Variants in PRKCSH observed in about 807,000 individuals in gnomAD.
The protein encoded by PRKCSH is glucosidase 2 subunit beta.
A neutral mutation model predicts 79.7 loss-of-function variants in PRKCSH; 42 were observed. The observed-to-expected ratio is 0.53, with a 90% CI of 0.41 to 0.68. The LOEUF is 0.68. PRKCSH is among the 30% of genes least tolerant of loss of function. The pLI is 0.00. For missense variants in PRKCSH, 686 were observed against 709.0 expected, an observed-to-expected ratio of 0.97 and a Z score of 0.37; for synonymous variants, 325 against 288.2, an observed-to-expected ratio of 1.13 and a Z score of -1.29.
intron 4 of PRKCSH, 36 bp downstream of exon 4, chr19:11,438,007 TAGAG>T (rs1039780200): frequency 1.7e-5 from 28 of 1,613,548 alleles, no homozygotes; most frequent in African/African-American, 2.7e-5. Context: ...GGAAAGGTGG[TAGAG>T]GGAGGGAGGG....
At position 11,447,246 on chromosome 19, in the gene PRKCSH, C is replaced by A; in HGVS notation, c.849+86C>A. On this transcript the variant is annotated intron_variant, in intron 10 of 17. Coordinates refer to ENST00000677123, the MANE Select transcript of PRKCSH (RefSeq NM_001289104.2). This position sits in a 1 kb window ranked among gnomAD's most constrained non-coding sequence, Gnocchi z 5.6. ...ACAAAGGAGCTGCCTCTGGTTCTGG[C>A]ACCTGGCCACCCTGGCCAGCTGGGT... 1 of 1,498,802 alleles carries A rather than the reference C, an allele frequency of 6.7e-7. No individual in the cohort carries two copies. The highest frequency in any genetic ancestry group is 9.2e-7 in the Non-Finnish European group (1 of 1,090,138). 92.8% of individuals were successfully genotyped at this position (1,498,802 alleles called of 1,614,324 possible).
At position 11,448,420 on chromosome 19, in the gene PRKCSH, G is replaced by C. The variant is rs1970427115; in HGVS notation, c.1197-120G>C. On this transcript the variant is annotated intron_variant, in intron 13 of 17. Coordinates refer to ENST00000677123, the MANE Select transcript of PRKCSH (RefSeq NM_001289104.2). The surrounding 1 kb of genome is among the most constrained non-coding windows in gnomAD (Gnocchi z 4.4). ...CTGGTCCCTGCAGGGAGGGTCCCTG[G>C]GAGGTGGCAGGGAGGACAGCCTGGG... 1.4e-6 allele frequency: 2 copies of C among 1,441,206 alleles called. No individual in the cohort carries two copies. Among genetic ancestry groups the C allele is most frequent in the Admixed American group, 1.9e-5 (1 of 54,002 alleles). The allele number at this position is 1,441,206 out of a possible 1,614,324, so 89.3% of individuals were successfully genotyped here.
intron 3 of PRKCSH, 160 bp downstream of exon 3, chr19:11,436,665 A>AG (rs1297445322): frequency 1.6e-5 from 11 of 680,244 alleles, no homozygotes; most frequent in Non-Finnish European, 2.6e-5. Context: ...GGGCAGCTGG[A>AG]GGAGCCCAGA....
At position 11,446,353 on chromosome 19, in the gene PRKCSH, A is replaced by G; in HGVS notation, c.762+3A>G. ...CGTTGTCAGAAGCGGAAGCTCAGGT[A>G]CCCCCGGCTGCCCCTTGGTTGGGGA... On this transcript the variant is annotated splice_donor_region_variant and intron_variant, in intron 9 of 17. Coordinates refer to ENST00000677123, the MANE Select transcript of PRKCSH (RefSeq NM_001289104.2). 6.2e-7 allele frequency: 1 copy of G among 1,611,992 alleles called. No homozygotes were observed. Among genetic ancestry groups the G allele is most frequent in the Non-Finnish European group, 8.5e-7 (1 of 1,179,000 alleles).
chr19:11,439,605 CTTT>C (rs758607686), intron 5 of PRKCSH, among the ~76,000 whole-genome samples: 45 of 68,842 alleles, frequency 6.5e-4, no homozygotes, highest in Non-Finnish European at 1.0e-3. Flanking sequence ...TTTTTCTTTT[CTTT>C]TTTTTTTTTT....
Position 11,435,712 on chromosome 19 carries a change from T to C in PRKCSH, c.-78+6T>C, listed in dbSNP as rs779668284. On this transcript the variant is annotated splice_donor_region_variant and intron_variant, in intron 1 of 17. Coordinates refer to ENST00000677123, the MANE Select transcript of PRKCSH (RefSeq NM_001289104.2). The stretch of plus-strand genomic sequence containing the variant: ...GACCTTTGCTCCGGCCTCGTGTAGG[T>C]GTGAACGAGCGGGTGGGAGGGCACC... The C allele has an allele frequency of 3.0e-6, 4 of 1,324,150 alleles. No homozygotes were observed. The South Asian group carries it at 4.9e-5, about 16-fold the overall frequency. The allele number at this position is 1,324,150 out of a possible 1,614,324, so 82.0% of individuals were successfully genotyped here.
chr19:11,447,467 C>T lies in PRKCSH; in HGVS notation c.878C>T (p.Ser293Phe), dbSNP rs769813784. Residue 293 changes from serine (S) to phenylalanine (F), a missense_variant, in exon 11 of 18, where the codon TCT (serine) becomes TTT (phenylalanine). By Grantham distance (155) the Ser-to-Phe change is radical. This residue lies in a region of PRKCSH where 549 missense variants were observed against 520.2 expected (regional missense o/e 1.06). Transcript: ENST00000677123. The surrounding 1 kb of genome is among the most constrained non-coding windows in gnomAD (Gnocchi z 5.6). ...EALPTDLPAP[S>F]APDLTEPKEE... The stretch of plus-strand genomic sequence containing the variant: ...CTGCCCACCGACCTTCCAGCACCTT[C>T]TGCCCCTGACTTGACGGAGCCCAAG... 2 of 1,614,080 alleles carry T rather than the reference C, an allele frequency of 1.2e-6. No homozygotes were observed. Among genetic ancestry groups the T allele is most frequent in the Non-Finnish European group, 8.5e-7 (1 of 1,180,030 alleles).
Position 11,447,857 on chromosome 19 carries a change from AG to A in PRKCSH, c.1126+71del. On this transcript the variant is annotated intron_variant, in intron 12 of 17. Transcript: ENST00000677123. This position sits in a 1 kb window ranked among gnomAD's most constrained non-coding sequence, Gnocchi z 5.6. ...TTTCCTGCCGTGGTGGCACAGGTCG[AG>A]GGAAGATCCTGAGCTTAGACCCTGC... The A allele has an allele frequency of 6.8e-7, 1 of 1,468,338 alleles. No individual in the cohort carries two copies. Among genetic ancestry groups the A allele is most frequent in the Non-Finnish European group, 9.2e-7 (1 of 1,092,182 alleles). The allele number at this position is 1,468,338 out of a possible 1,614,324, so 91.0% of individuals were successfully genotyped here.
Position 11,447,584 on chromosome 19 carries a change from A to G in PRKCSH, c.995A>G (p.Glu332Gly). ...GAAGAGGCTGAAGAAGAGGAGGAGG[A>G]GGAGGATTCCGAGGTGCAGGGGGAG... The part of the protein sequence containing the change: ...EEEEAEEEEE[E>G]EDSEVQGEQP... The change falls in exon 11 of 18, where the codon GAG becomes GGG. Residue 332 changes from glutamate (E) to glycine (G), a missense_variant. Physicochemically the swap from Glu to Gly is moderately conservative, Grantham distance 98. Around this residue, in one of 2 missense-constraint regions of PRKCSH, gnomAD observed 549 missense variants for 520.2 expected, o/e 1.06. Coordinates refer to ENST00000677123, the MANE Select transcript of PRKCSH (RefSeq NM_001289104.2). The surrounding 1 kb of genome is among the most constrained non-coding windows in gnomAD (Gnocchi z 5.6). 1 of 1,596,976 alleles carries G rather than the reference A, an allele frequency of 6.3e-7. No individual in the cohort carries two copies. Among genetic ancestry groups the G allele is most frequent in the Non-Finnish European group, 8.5e-7 (1 of 1,172,294 alleles).
intron 9 of PRKCSH, among the ~76,000 whole-genome samples, chr19:11,446,808 CTCCATCTGTACG>C (rs1437598795): frequency 6.6e-6 from 1 of 152,058 alleles, no homozygotes; most frequent in Admixed American, 6.5e-5. Flanking sequence ...CTCTCTCTTC[CTCCATCTGTACG>C]TCCGTTTGTC....
intron 8 of PRKCSH, 169 bp downstream of exon 8, chr19:11,445,642 TC>T: frequency 1.4e-6 from 1 of 711,300 alleles, no homozygotes; most frequent in Non-Finnish European, 2.5e-6. Flanking sequence ...GATGGCCAGG[TC>T]CAGGATGCCC....
rs778594087 is a variant in PRKCSH, at chr19:11,447,041, C to T, written c.763-33C>T. The T allele has an allele frequency of 6.2e-7, 1 of 1,605,982 alleles. No homozygotes were observed. Among genetic ancestry groups the T allele is most frequent in the Non-Finnish European group, 8.5e-7 (1 of 1,172,644 alleles). On this transcript the variant is annotated intron_variant, in intron 9 of 17. Transcript: ENST00000677123. This position sits in a 1 kb window ranked among gnomAD's most constrained non-coding sequence, Gnocchi z 5.6. ...GGCCGAGATGGGGGACACGTGGTGGCCTAGATCTTGACACCACCCCCAACA... is the reference window on the plus strand; with the variant it reads ...GGCCGAGATGGGGGACACGTGGTGGTCTAGATCTTGACACCACCCCCAACA...
intron 5 of PRKCSH, among the ~76,000 whole-genome samples, chr19:11,440,016 CAGAGG>C (rs1969981519): frequency 6.6e-6 from 1 of 151,044 alleles, no homozygotes. Flanking sequence ...GCCTGGGAAG[CAGAGG>C]TTGCAGTGAG....
intron 7 of PRKCSH, among the ~76,000 whole-genome samples, chr19:11,443,929 C>T (rs1322632721): frequency 1.3e-5 from 2 of 152,106 alleles, no homozygotes; most frequent in East Asian, 1.9e-4. Context: ...GCACCTGCCA[C>T]CACAGCCGGC....
At chr19:11,450,002 C>T (rs1424119382) in intron 17 of PRKCSH, 1 of 159,634 alleles carries the variant, frequency 6.3e-6, no homozygotes, top group African/African-American at 2.4e-5. Flanking sequence ...CGCCACCACG[C>T]CTGGCTAATT....
At chr19:11,437,225 A>G (rs1349150639) in intron 3 of PRKCSH, among the ~76,000 whole-genome samples, 1 of 144,050 alleles carries the variant, frequency 6.9e-6, no homozygotes, top group Non-Finnish European at 1.5e-5. Flanking sequence ...TTTTTAGTAG[A>G]TACAGGGTTT....
At position 11,436,023 on chromosome 19, in the gene PRKCSH, T is replaced by C; in HGVS notation, c.-77-18T>C. 1 of 1,527,544 alleles carries C rather than the reference T, an allele frequency of 6.5e-7. No homozygotes were observed. Among genetic ancestry groups the C allele is most frequent in the Non-Finnish European group, 9.0e-7 (1 of 1,115,718 alleles). 94.6% of individuals were successfully genotyped at this position (1,527,544 alleles called of 1,614,324 possible). The stretch of plus-strand genomic sequence containing the variant: ...AGTAGCCCTCTCCCACTGACCGGGA[T>C]CCGCTTTCTTCCTGCAGCGTGAAGA... On this transcript the variant is annotated intron_variant, in intron 1 of 17. Coordinates refer to ENST00000677123, the MANE Select transcript of PRKCSH (RefSeq NM_001289104.2).
chr19:11,443,049 A>G (rs1970136185), intron 7 of PRKCSH, among the ~76,000 whole-genome samples: 1 of 151,970 alleles, frequency 6.6e-6, no homozygotes, highest in Non-Finnish European at 1.5e-5. Context: ...ATATGACTTT[A>G]GCAGGACTTA....
chr19:11,436,692 G>A (rs752804526), intron 3 of PRKCSH, 187 bp downstream of exon 3: 133 of 599,364 alleles, frequency 2.2e-4, no homozygotes, highest in Non-Finnish European at 3.8e-4. Context: ...CTCCTCCCAA[G>A]CCTCGGGGTC....
Sources: gnomAD v4.1 joint callset for allele counts (sites outside exome capture counted in the v4.1 genomes callset) on GRCh38, gnomAD v4.1.1 for gene constraint, gnomAD v4.1.1 regional missense constraint, Gnocchi (gnomAD v3.1) non-coding constraint, MANE v1.5 for transcripts, NCBI Gene and HGNC (gene_info 2026-07-23, HGNC 2026-07-21) for gene names.